The following SUMF1 variants were observed in gnomAD, a reference collection of about 807,000 sequenced individuals.
The protein encoded by SUMF1 is sulfatase modifying factor 1, also known as formylglycine-generating enzyme.
SUMF1 carries 48 observed loss-of-function variants against 47.6 expected under a neutral mutation model. That is an observed-to-expected ratio of 1.01 (90% CI 0.80 to 1.28). The LOEUF (loss-of-function observed/expected upper bound fraction) is 1.28. SUMF1 is among the 50% of genes most tolerant of loss of function. SUMF1 has a pLI of 0.00. For synonymous variants in SUMF1, 230 were observed against 192.1 expected, an observed-to-expected ratio of 1.20 and a Z score of -1.63; for missense variants, 571 against 485.4, an observed-to-expected ratio of 1.18 and a Z score of -1.66.
chr3:4,460,043 G>T (rs1364438288), intron 1 of SUMF1, among the ~76,000 whole-genome samples: 1 of 152,112 alleles, frequency 6.6e-6, no homozygotes, highest in African/African-American at 2.4e-5. Flanking sequence ...AGAAGAGGGG[G>T]ATAAAAAAGG....
intron 8 of SUMF1, among the ~76,000 whole-genome samples, chr3:4,354,891 C>T (rs1699584301): frequency 6.6e-6 from 1 of 152,200 alleles, no homozygotes; most frequent in South Asian, 2.1e-4. Context: ...TTTGCATTTT[C>T]TCATATCTCC....
chr3:4,190,201 T>C (rs1695285590), intron 8 of SUMF1, among the ~76,000 whole-genome samples: 1 of 152,078 alleles, frequency 6.6e-6, no homozygotes, highest in African/African-American at 2.4e-5. Flanking sequence ...TTTTTTTTTT[T>C]TTAATGAACT....
chr3:4,433,987 T>C (rs1702316907), intron 3 of SUMF1, among the ~76,000 whole-genome samples: 1 of 152,206 alleles, frequency 6.6e-6, no homozygotes, highest in South Asian at 2.1e-4. Context: ...TGATACATAC[T>C]ACAACATGGA....
At chr3:4,159,910 A>G (rs2125112628) in intron 8 of SUMF1, among the ~76,000 whole-genome samples, 1 of 152,278 alleles carries the variant, frequency 6.6e-6, no homozygotes. Context: ...TTTCCACTGA[A>G]AAGTCTGCTG....
intron 8 of SUMF1, among the ~76,000 whole-genome samples, chr3:4,329,720 C>T (rs772612842): frequency 1.8e-4 from 28 of 152,144 alleles, no homozygotes; most frequent in Non-Finnish European, 3.4e-4. Flanking sequence ...CTCCTCATTA[C>T]TTATGCAAAT....
intron 8 of SUMF1, among the ~76,000 whole-genome samples, chr3:4,364,703 G>A (rs1435439965): frequency 6.7e-6 from 1 of 149,982 alleles, no homozygotes. Context: ...TTTTTGAAGG[G>A]TTTTTTGTGT....
intron 8 of SUMF1, among the ~76,000 whole-genome samples, chr3:4,240,915 A>C (rs931875246): frequency 6.6e-6 from 1 of 152,018 alleles, no homozygotes; most frequent in Non-Finnish European, 1.5e-5. Flanking sequence ...AGACCTTTAT[A>C]AAGACTTAAA....
intron 3 of SUMF1, among the ~76,000 whole-genome samples, chr3:4,432,486 C>T (rs933947167): frequency 6.6e-6 from 1 of 152,048 alleles, no homozygotes; most frequent in Non-Finnish European, 1.5e-5. Flanking sequence ...CTATGTAATC[C>T]AACCCTGCCT....
At chr3:4,113,212 A>G (rs1184451808) in intron 8 of SUMF1, among the ~76,000 whole-genome samples, 1 of 152,068 alleles carries the variant, frequency 6.6e-6, no homozygotes, top group African/African-American at 2.4e-5. Flanking sequence ...ACGTTTCAAG[A>G]TCTCTCTTCT....
chr3:4,358,612 GA>G (rs919423333), downstream of SUMF1, among the ~76,000 whole-genome samples: 4 of 151,510 alleles, frequency 2.6e-5, no homozygotes, highest in African/African-American at 4.8e-5. Flanking sequence ...AGACCTTCAG[GA>G]AAAAAAAATT....
chr3:4,228,679 C>T (rs1696230558), intron 8 of SUMF1, among the ~76,000 whole-genome samples: 2 of 152,074 alleles, frequency 1.3e-5, no homozygotes, highest in African/African-American at 4.8e-5. Context: ...ATATTCTTTC[C>T]TCCAGCTTTC....
intron 8 of SUMF1, among the ~76,000 whole-genome samples, chr3:4,322,348 A>G (rs1028987185): frequency 1.3e-5 from 2 of 152,070 alleles, no homozygotes; most frequent in Non-Finnish European, 2.9e-5. Flanking sequence ...ATATATATTG[A>G]TATGTATAAT....
At chr3:4,457,913 G>C (rs945457978) in intron 1 of SUMF1, among the ~76,000 whole-genome samples, 1 of 152,224 alleles carries the variant, frequency 6.6e-6, no homozygotes, top group South Asian at 2.1e-4. Context: ...AAACCAAAAG[G>C]CTTCTGTATG....
Position 4,220,883 on chromosome 3 carries a change from G to A in SUMF1, c.1015-152138C>T, listed in dbSNP as rs73806935. Reference sequence around the variant, plus strand: ...ATGAAAGTTTAAAATCTCCAGGTCCGAATTATTACTTGGTTCATTTGAGTT... The same window carrying A: ...ATGAAAGTTTAAAATCTCCAGGTCCAAATTATTACTTGGTTCATTTGAGTT... On this transcript the variant is annotated intron_variant and NMD_transcript_variant, in intron 8 of 12. Transcript: ENST00000448413. 7.6e-3 allele frequency among the ~76,000 whole-genome samples: 1,151 copies of A among 152,150 alleles called. 21 individuals carry two copies. The highest frequency in any genetic ancestry group is 0.026 in the African/African-American group (1,098 of 41,528).
At chr3:4,135,304 C>A (rs1051969996) in intron 8 of SUMF1, among the ~76,000 whole-genome samples, 1 of 152,082 alleles carries the variant, frequency 6.6e-6, no homozygotes, top group Non-Finnish European at 1.5e-5. Context: ...CCCTGGGATG[C>A]AAGGCTGGTT....
chr3:4,168,906 T>C (rs1173606964), intron 8 of SUMF1, among the ~76,000 whole-genome samples: 1 of 152,206 alleles, frequency 6.6e-6, no homozygotes, highest in Non-Finnish European at 1.5e-5. Context: ...TTTCTTCCAC[T>C]AATTGAGCAC....
chr3:4,303,672 A>C, intron 8 of SUMF1: 3 of 1,487,882 alleles, frequency 2.0e-6, no homozygotes, highest in Non-Finnish European at 2.7e-6. Flanking sequence ...ATAGGTGTGC[A>C]TGCCCCGGCC....
chr3:4,217,559 C>T (rs1695962060), intron 8 of SUMF1, among the ~76,000 whole-genome samples: 1 of 65,526 alleles, frequency 1.5e-5, no homozygotes, highest in Non-Finnish European at 3.3e-5. Flanking sequence ...GAAAACTAGA[C>T]TAACTGTGAC....
chr3:4,306,906 A>C (rs3804781), intron 8 of SUMF1, among the ~76,000 whole-genome samples: 41,939 of 152,192 alleles, frequency 0.28, 7,179 homozygotes, highest in Non-Finnish European at 0.39. Flanking sequence ...AAAGCCAAGT[A>C]GAAAATAAAC....
Sources: gnomAD v4.1 joint callset for allele counts (sites outside exome capture counted in the v4.1 genomes callset) on GRCh38, gnomAD v4.1.1 for gene constraint, MANE v1.5 for transcripts, NCBI Gene and HGNC (gene_info 2026-07-23, HGNC 2026-07-21) for gene names.